Variants in ROBO1 observed in about 807,000 individuals in gnomAD.
The protein encoded by ROBO1 is roundabout guidance receptor 1, also known as roundabout homolog 1.
Under a neutral mutation model 195.9 loss-of-function variants are expected in ROBO1, and 149 were observed. That is an observed-to-expected ratio of 0.76 (90% CI 0.67 to 0.87). The LOEUF is 0.87. Among genes scored for constraint, ROBO1 ranks in the 40% least tolerant of loss-of-function variants. ROBO1 has a pLI of 0.00. For synonymous variants in ROBO1, 816 were observed against 733.2 expected, an observed-to-expected ratio of 1.11 and a Z score of -1.82; for missense variants, 1,933 against 2,068.3, an observed-to-expected ratio of 0.93 and a Z score of 1.27.
intron 2 of ROBO1, among the ~76,000 whole-genome samples, chr3:79,405,874 G>C (rs1327102885): frequency 6.6e-6 from 1 of 152,082 alleles, no homozygotes; most frequent in Non-Finnish European, 1.5e-5. Context: ...CCAATAAATG[G>C]CTCCTAGATT....
chr3:78,881,233 G>C (rs1453938830), intron 4 of ROBO1, among the ~76,000 whole-genome samples: 2 of 152,118 alleles, frequency 1.3e-5, no homozygotes, highest in Non-Finnish European at 2.9e-5. Flanking sequence ...AAGGAGAAGA[G>C]ACTGCTGGAA....
At chr3:79,256,998 C>T (rs943655564) in intron 2 of ROBO1, among the ~76,000 whole-genome samples, 6 of 152,108 alleles carry the variant, frequency 3.9e-5, no homozygotes, top group Non-Finnish European at 8.8e-5. Context: ...TAAACACAGT[C>T]TTACTTTGTT....
chr3:78,853,573 A>AT (rs766744165), intron 4 of ROBO1, among the ~76,000 whole-genome samples: 4 of 151,796 alleles, frequency 2.6e-5, no homozygotes, highest in South Asian at 2.1e-4. Flanking sequence ...AGCAGTCTAG[A>AT]TGTTGCTATA....
chr3:79,404,046 G>A (rs931804651), intron 2 of ROBO1, among the ~76,000 whole-genome samples: 1 of 151,946 alleles, frequency 6.6e-6, no homozygotes, highest in Non-Finnish European at 1.5e-5. Context: ...TTGAAATCAT[G>A]CTTCTGTAGA....
chr3:79,735,424 G>A lies in ROBO1; in HGVS notation c.-51+32328C>T, dbSNP rs138522560. Among the ~76,000 whole-genome samples the A allele has an allele frequency of 4.6e-5, 7 of 152,246 alleles. No individual in the cohort carries two copies. The East Asian group carries it at 5.8e-4, about 13-fold the overall frequency. Reference sequence around the variant, plus strand: ...ATGATGGAGTGAAAATAGCATGCACGTTCAAATCTGAAAGATATGGGTTCA... The same window carrying A: ...ATGATGGAGTGAAAATAGCATGCACATTCAAATCTGAAAGATATGGGTTCA... On this transcript the variant is annotated intron_variant, in intron 1 of 30. Coordinates refer to ENST00000464233, the MANE Select transcript of ROBO1 (RefSeq NM_002941.4).
chr3:79,210,570 C>T (rs972795011), intron 2 of ROBO1, among the ~76,000 whole-genome samples: 2 of 152,042 alleles, frequency 1.3e-5, no homozygotes, highest in Admixed American at 6.6e-5. Flanking sequence ...AATGGAGTGA[C>T]CATCTTTTCA....
chr3:79,674,834 G>T (rs975188251), intron 1 of ROBO1, among the ~76,000 whole-genome samples: 2 of 143,144 alleles, frequency 1.4e-5, no homozygotes, highest in East Asian at 2.0e-4. Flanking sequence ...ATCCGTGTGT[G>T]TGTGTGTGTG....
At chr3:79,235,644 T>C (rs1183660256) in intron 2 of ROBO1, among the ~76,000 whole-genome samples, 1 of 152,152 alleles carries the variant, frequency 6.6e-6, no homozygotes, top group Non-Finnish European at 1.5e-5. Context: ...CTATTTCCTA[T>C]ATCACAACTT....
rs184207089 is a variant in ROBO1, at chr3:79,644,449, C to T, written c.-50-54488G>A. ...TTACAGTTCCATGTGGCTGGGGAAGCCTCACAATGATGGCAGAAGGCAAAA... is the reference window on the plus strand; with the variant it reads ...TTACAGTTCCATGTGGCTGGGGAAGTCTCACAATGATGGCAGAAGGCAAAA... On this transcript the variant is annotated intron_variant, in intron 1 of 30. Transcript: ENST00000464233. Among the ~76,000 whole-genome samples the T allele has an allele frequency of 2.5e-3, 384 of 152,224 alleles. 1 individual carries two copies. Among genetic ancestry groups the T allele is most frequent in the African/African-American group, 7.6e-3 (314 of 41,526 alleles).
intron 4 of ROBO1, among the ~76,000 whole-genome samples, chr3:78,800,998 C>A (rs2084353714): frequency 6.6e-6 from 1 of 152,154 alleles, no homozygotes. Flanking sequence ...AGGCTGAATT[C>A]CACACCACTT....
At chr3:79,248,374 C>CAAAA (rs10559171) in intron 2 of ROBO1, among the ~76,000 whole-genome samples, 143 of 35,946 alleles carry the variant, frequency 4.0e-3, no homozygotes, top group African/African-American at 5.4e-3. Context: ...GAAGACAGAC[C>CAAAA]AAAAAAAAAA....
At chr3:79,399,394 C>T (rs1575773627) in intron 2 of ROBO1, among the ~76,000 whole-genome samples, 1 of 152,062 alleles carries the variant, frequency 6.6e-6, no homozygotes, top group Admixed American at 6.6e-5. Context: ...TTCTGGACAC[C>T]CTCCCATAAT....
chr3:78,602,698 T>C (rs1481867120), intron 29 of ROBO1, among the ~76,000 whole-genome samples: 1 of 152,134 alleles, frequency 6.6e-6, no homozygotes, highest in Non-Finnish European at 1.5e-5. Context: ...TCATGCTGAA[T>C]CATTAATTTA....
chr3:78,651,038 A>G (rs1559696626), intron 19 of ROBO1, among the ~76,000 whole-genome samples: 1 of 152,226 alleles, frequency 6.6e-6, no homozygotes, highest in Non-Finnish European at 1.5e-5. Context: ...AAGGATAAGT[A>G]GCAAAAGTAT....
chr3:78,960,547 A>G (rs28729472), intron 3 of ROBO1, among the ~76,000 whole-genome samples: 24,587 of 151,848 alleles, frequency 0.16, 3,160 homozygotes, highest in African/African-American at 0.36. Context: ...TTGGGAGGCC[A>G]AGGCAGGTGA....
intron 8 of ROBO1, among the ~76,000 whole-genome samples, chr3:78,711,426 T>TCTTG (rs2081732766): frequency 8.6e-6 from 1 of 116,910 alleles, no homozygotes; most frequent in Non-Finnish European, 1.7e-5. Flanking sequence ...TTTCTTTCTT[T>TCTTG]CTTTCTTTCT....
chr3:79,682,962 A>G (rs1422180027), intron 1 of ROBO1, among the ~76,000 whole-genome samples: 1 of 123,758 alleles, frequency 8.1e-6, no homozygotes, highest in Non-Finnish European at 1.7e-5. Flanking sequence ...CTCATTCAGA[A>G]CATGTATAAA....
Position 78,789,212 on chromosome 3 carries a change from G to A in ROBO1, c.500-42312C>T, listed in dbSNP as rs549305710. On this transcript the variant is annotated intron_variant, in intron 4 of 30. Transcript: ENST00000464233. ...GTTTTGTGCCTCGGGGGAACAGAAT[G>A]AATAAAAGTAAGATTATCACTTTTA... Among the ~76,000 whole-genome samples the A allele has an allele frequency of 2.2e-3, 342 of 152,166 alleles. 3 individuals are homozygous for A. Among genetic ancestry groups the A allele is most frequent in the Middle Eastern group, 6.8e-3 (2 of 294 alleles).
At chr3:79,047,446 G>T (rs1370209910) in intron 3 of ROBO1, among the ~76,000 whole-genome samples, 2 of 152,072 alleles carry the variant, frequency 1.3e-5, no homozygotes, top group Admixed American at 1.3e-4. Flanking sequence ...TTCAGAAATG[G>T]CTTTGGAGTG....
Sources: gnomAD v4.1 joint callset for allele counts (sites outside exome capture counted in the v4.1 genomes callset) on GRCh38, gnomAD v4.1.1 for gene constraint, MANE v1.5 for transcripts, NCBI Gene and HGNC (gene_info 2026-07-23, HGNC 2026-07-21) for gene names.